Variants in AFF2 observed in about 807,000 individuals in gnomAD.
AFF2 encodes the protein AF4/FMR2 family member 2.
A neutral mutation model predicts 76.9 loss-of-function variants in AFF2; 14 were observed. The ratio of observed to expected loss-of-function variants is 0.18; its 90% CI spans 0.12 to 0.28. The LOEUF is 0.28. Ranked by LOEUF, AFF2 falls within the 10% of genes least tolerant of loss-of-function variation. The pLI, the probability that AFF2 is intolerant of heterozygous loss-of-function variation, is 1.00. For synonymous variants in AFF2, 398 were observed against 366.7 expected (o/e 1.09, Z -0.98); for missense variants, 868 against 1,001.1 (o/e 0.87, Z 1.79).
intron 1 of AFF2, among the ~76,000 whole-genome samples, chrX:148,640,629 A>G (rs1243337357): frequency 1.8e-5 from 2 of 112,567 alleles, no homozygotes; most frequent in Admixed American, 9.3e-5. Flanking sequence ...GCTATAATAC[A>G]CAAAACAATA....
chrX:148,766,209 GGTATATACCCA>G (rs1206166238), intron 3 of AFF2, among the ~76,000 whole-genome samples: 141 of 109,570 alleles, frequency 1.3e-3, no homozygotes, highest in African/African-American at 4.2e-3. Flanking sequence ...TAGTCCTTTG[GGTATATACCCA>G]GTAATGGAAT....
Position 148,540,706 on chromosome X carries a change from C to T in AFF2, c.47+39562C>T, listed in dbSNP as rs782526254. Among the ~76,000 whole-genome samples, 9 of 110,987 alleles carry T rather than the reference C, an allele frequency of 8.1e-5. No individual in the cohort carries two copies. The South Asian group carries it at 3.1e-3, about 38-fold the overall frequency. On this transcript the variant is annotated intron_variant, in intron 1 of 20. Coordinates refer to ENST00000370460, the MANE Select transcript of AFF2 (RefSeq NM_002025.4). ...TATTACTTCAGGACACTTACTGGTTCCCTAGTGGCCTCAAATAAATGATTG... is the reference window on the plus strand; with the variant it reads ...TATTACTTCAGGACACTTACTGGTTTCCTAGTGGCCTCAAATAAATGATTG...
chrX:148,637,678 A>G (rs1215062868), intron 1 of AFF2, among the ~76,000 whole-genome samples: 2 of 112,423 alleles, frequency 1.8e-5, no homozygotes, highest in Non-Finnish European at 3.8e-5. Context: ...TGGTGTCTGT[A>G]TAAAATTATT....
intron 19 of AFF2, among the ~76,000 whole-genome samples, chrX:148,987,090 G>A (rs2072480971): frequency 9.0e-6 from 1 of 111,008 alleles, no homozygotes; most frequent in Admixed American, 9.5e-5. Flanking sequence ...CAGGTATGGG[G>A]TGGTAATAAT....
intron 9 of AFF2, among the ~76,000 whole-genome samples, chrX:148,940,062 G>T (rs1557285435): frequency 9.0e-6 from 1 of 111,690 alleles, no homozygotes; most frequent in Non-Finnish European, 1.9e-5. Flanking sequence ...AACATACCCA[G>T]GTTTTGTCAT....
chrX:148,705,894 A>G (rs1314315220), intron 3 of AFF2, among the ~76,000 whole-genome samples: 1 of 111,597 alleles, frequency 9.0e-6, no homozygotes, highest in African/African-American at 3.3e-5. Context: ...GTCTACAATT[A>G]AGAGATCCTT....
At chrX:148,711,020 T>C (rs1409290852) in intron 3 of AFF2, among the ~76,000 whole-genome samples, 1 of 112,132 alleles carries the variant, frequency 8.9e-6, no homozygotes, top group Non-Finnish European at 1.9e-5. Flanking sequence ...ATTAAATTAT[T>C]TGCATTACCA....
intron 3 of AFF2, among the ~76,000 whole-genome samples, chrX:148,745,427 A>G (rs2055408828): frequency 8.9e-6 from 1 of 111,819 alleles, no homozygotes; most frequent in African/African-American, 3.3e-5. Context: ...CCGGAATTAT[A>G]TTTTTAGAAG....
intron 3 of AFF2, among the ~76,000 whole-genome samples, chrX:148,752,388 G>A (rs782020395): frequency 8.9e-6 from 1 of 111,942 alleles, no homozygotes; most frequent in African/African-American, 3.2e-5. Context: ...CTTAATGTCT[G>A]CAGAAGGAAG....
At position 148,956,527 on chromosome X, in the gene AFF2, C is replaced by T; in HGVS notation, c.2482C>T (p.His828Tyr). Residue 828 changes from histidine (H) to tyrosine (Y), a missense_variant, in exon 11 of 21, where the codon CAC (histidine) becomes TAC (tyrosine). This residue lies in a region of AFF2 where 532 missense variants were observed against 564.2 expected (regional missense o/e 0.94). Transcript: ENST00000370460. ...SLHAAPAKPD[H>Y]KETATKPKRQ... is the part of the protein sequence containing the mutation. ...CCATGCAGCACCTGCCAAGCCAGAC[C>T]ACAAGGAGACTGCCACAAAACCCAA... 8.3e-7 allele frequency: 1 copy of T among 1,211,782 alleles called. No individual in the cohort carries two copies. Among genetic ancestry groups the T allele is most frequent in the African/African-American group, 1.7e-5 (1 of 57,828 alleles).
At chrX:148,725,040 T>A (rs782495777) in intron 3 of AFF2, among the ~76,000 whole-genome samples, 2 of 111,215 alleles carry the variant, frequency 1.8e-5, no homozygotes, top group Non-Finnish European at 3.8e-5. Context: ...GGTACCCAGT[T>A]TGAGTCAAGA....
chrX:148,966,760 A>G (rs1557288753), intron 13 of AFF2, 30 bp from the exon 14 acceptor site: 2 of 1,203,450 alleles, frequency 1.7e-6, no homozygotes, highest in South Asian at 3.5e-5. Flanking sequence ...GCTGGACCTA[A>G]TGGAAACTAT....
At chrX:148,903,666 A>G (rs894419551) in intron 8 of AFF2, among the ~76,000 whole-genome samples, 1 of 111,781 alleles carries the variant, frequency 8.9e-6, no homozygotes, top group Non-Finnish European at 1.9e-5. Context: ...TGATCTGAGT[A>G]TTCAGTCATT....
At chrX:148,811,263 C>G (rs1353429448) in intron 4 of AFF2, among the ~76,000 whole-genome samples, 1 of 111,146 alleles carries the variant, frequency 9.0e-6, no homozygotes, top group African/African-American at 3.3e-5. Flanking sequence ...TCCCTACCCC[C>G]TCATCTGCGG....
chrX:148,614,156 T>C (rs2053761647), intron 1 of AFF2, among the ~76,000 whole-genome samples: 1 of 112,151 alleles, frequency 8.9e-6, no homozygotes, highest in Non-Finnish European at 1.9e-5. Flanking sequence ...CAATTAGAAA[T>C]GGAGACAAAC....
chrX:148,791,347 G>A (rs951704356), intron 3 of AFF2, among the ~76,000 whole-genome samples: 3 of 111,487 alleles, frequency 2.7e-5, no homozygotes, highest in Non-Finnish European at 5.6e-5. Context: ...GGAACTCCCC[G>A]TTATAAAACC....
intron 1 of AFF2, among the ~76,000 whole-genome samples, chrX:148,580,556 C>A (rs1218315933): frequency 2.7e-5 from 3 of 110,913 alleles, no homozygotes; most frequent in African/African-American, 9.8e-5. Context: ...GATCCAGCAG[C>A]AGACATAATC....
intron 3 of AFF2, among the ~76,000 whole-genome samples, chrX:148,683,270 C>T (rs5980574): frequency 0.015 from 1,735 of 112,009 alleles, 31 homozygotes; most frequent in African/African-American, 0.054. Flanking sequence ...TGAAGTGTTT[C>T]GTGCTTGCAA....
At chrX:148,913,673 T>C in intron 9 of AFF2, among the ~76,000 whole-genome samples, 1 of 112,138 alleles carries the variant, frequency 8.9e-6, no homozygotes, top group Middle Eastern at 4.6e-3. Context: ...AACTAAACCA[T>C]GTTATTTTTA....
Sources: allele counts gnomAD v4.1 joint callset (sites outside exome capture counted in the v4.1 genomes callset), GRCh38; gene constraint gnomAD v4.1.1; regional missense constraint gnomAD v4.1.1; transcripts MANE v1.5; gene names NCBI Gene and HGNC (gene_info 2026-07-23, HGNC 2026-07-21).